The following DENND5A variants were observed in gnomAD, a reference collection of about 807,000 sequenced individuals.
DENND5A encodes the protein DENN domain-containing protein 5A.
Under a neutral mutation model 140.3 loss-of-function variants are expected in DENND5A, and 64 were observed. The ratio of observed to expected loss-of-function variants is 0.46; its 90% CI spans 0.37 to 0.56. The LOEUF (loss-of-function observed/expected upper bound fraction) is 0.56, where lower values mean the gene tolerates loss of function less well. Among genes scored for constraint, DENND5A ranks in the 20% least tolerant of loss-of-function variants. The pLI is 0.00. For synonymous variants in DENND5A, 605 were observed against 607.7 expected (o/e 1.00, Z 0.07); for missense variants, 1,292 against 1,593.8 (o/e 0.81, Z 3.22).
chr11:9,144,919 T>C, intron 18 of DENND5A, 76 bp downstream of exon 18: 1 of 1,063,678 alleles, frequency 9.4e-7, no homozygotes, highest in Non-Finnish European at 1.5e-6. Context: ...CCTTGGGAAC[T>C]CCACATACCC....
chr11:9,247,680 T>C (rs1056581356), intron 1 of DENND5A, among the ~76,000 whole-genome samples: 5 of 151,896 alleles, frequency 3.3e-5, no homozygotes, highest in Non-Finnish European at 7.4e-5. Context: ...ATGTTACAGG[T>C]TGGTTTTGGT....
intron 4 of DENND5A, among the ~76,000 whole-genome samples, chr11:9,200,664 T>C (rs548301066): frequency 6.6e-6 from 1 of 152,312 alleles, no homozygotes; most frequent in Admixed American, 6.5e-5. Flanking sequence ...TTCAACATAG[T>C]TTCCATTACT....
Position 9,139,345 on chromosome 11 carries a change from C to G in DENND5A, c.*326G>C. Reference sequence around the variant, plus strand: ...GACGGGGCAAGGAAACATAACTGTCCCGCACGCAGTGCCACAGGCTCAGTC... The same window carrying G: ...GACGGGGCAAGGAAACATAACTGTCGCGCACGCAGTGCCACAGGCTCAGTC... On this transcript the variant is annotated 3_prime_UTR_variant, in exon 23 of 23. Transcript: ENST00000328194. The G allele has an allele frequency of 3.3e-6, 1 of 303,742 alleles. No homozygotes were observed. The highest frequency in any genetic ancestry group is 5.5e-5 in the South Asian group (1 of 18,308). 18.8% of individuals were successfully genotyped at this position (303,742 alleles called of 1,614,324 possible).
intron 10 of DENND5A, among the ~76,000 whole-genome samples, chr11:9,168,175 T>C (rs575630319): frequency 2.0e-5 from 3 of 151,480 alleles, no homozygotes; most frequent in African/African-American, 4.9e-5. Flanking sequence ...AAATCTCATC[T>C]TGAATTGTAG....
At chr11:9,153,046 A>G (rs1349169786) in intron 12 of DENND5A, among the ~76,000 whole-genome samples, 1 of 149,376 alleles carries the variant, frequency 6.7e-6, no homozygotes, top group Non-Finnish European at 1.5e-5. Context: ...GGCCAGGCAC[A>G]GTGTCTCACA....
chr11:9,196,940 T>C (rs957085476), intron 4 of DENND5A, among the ~76,000 whole-genome samples: 2 of 150,116 alleles, frequency 1.3e-5, no homozygotes. Flanking sequence ...ACCATACAGA[T>C]TTCATAGTGT....
At chr11:9,236,426 G>T (rs1851006582) in intron 1 of DENND5A, among the ~76,000 whole-genome samples, 1 of 151,738 alleles carries the variant, frequency 6.6e-6, no homozygotes. Context: ...CAGCTACTCA[G>T]GAAGCTGAGG....
intron 1 of DENND5A, among the ~76,000 whole-genome samples, chr11:9,210,223 G>A (rs183462006): frequency 6.6e-6 from 1 of 152,206 alleles, no homozygotes. Flanking sequence ...TTAGACCCTT[G>A]GAAATTCAAA....
chr11:9,185,770 C>CTG (rs765681407), intron 5 of DENND5A, among the ~76,000 whole-genome samples: 2 of 151,966 alleles, frequency 1.3e-5, no homozygotes, highest in South Asian at 4.2e-4. Flanking sequence ...TGGTCTGCGT[C>CTG]TGTGTGTGTG....
intron 8 of DENND5A, among the ~76,000 whole-genome samples, chr11:9,174,123 A>AG (rs1564896293): frequency 1.3e-5 from 2 of 149,570 alleles, no homozygotes; most frequent in African/African-American, 4.9e-5. Flanking sequence ...AAAAAAAAAA[A>AG]AAAAAAGAAA....
chr11:9,225,223 T>A (rs1030288135), intron 1 of DENND5A, among the ~76,000 whole-genome samples: 11 of 152,168 alleles, frequency 7.2e-5, no homozygotes, highest in South Asian at 2.1e-4. Context: ...TTACATTTTT[T>A]AAAAAGTGTT....
chr11:9,144,261 C>A lies in DENND5A; in HGVS notation c.3140G>T (p.Trp1047Leu). ...TCCATCATCCATGCCCTTCCCTAAC[C>A]ACCGGCCACACGGGAACCTGAAGAT... ...GHTYKFPCGR[W>L]LGKGMDDGSL... is the part of the protein sequence containing the mutation. The change falls in exon 19 of 23, where the codon TGG becomes TTG. Residue 1047 changes from tryptophan (W) to leucine (L), a missense_variant. By Grantham distance (61) the Trp-to-Leu change is moderately conservative. Coordinates refer to ENST00000328194, the MANE Select transcript of DENND5A (RefSeq NM_015213.4). 4 of 1,614,092 alleles carry A rather than the reference C, an allele frequency of 2.5e-6. No individual in the cohort carries two copies. Among genetic ancestry groups the A allele is most frequent in the Non-Finnish European group, 3.4e-6 (4 of 1,180,004 alleles).
chr11:9,234,071 G>A (rs1341026531), intron 1 of DENND5A, among the ~76,000 whole-genome samples: 2 of 151,780 alleles, frequency 1.3e-5, no homozygotes, highest in Non-Finnish European at 2.9e-5. Flanking sequence ...CCAGCTACTC[G>A]GGAGGCTGAG....
chr11:9,170,027 G>T, intron 9 of DENND5A, 78 bp from the exon 10 acceptor site: 1 of 1,057,370 alleles, frequency 9.5e-7, no homozygotes, highest in East Asian at 2.4e-5. Flanking sequence ...GAGAAAACAT[G>T]AATGACTACG....
intron 1 of DENND5A, among the ~76,000 whole-genome samples, chr11:9,212,055 T>C (rs1049246844): frequency 2.0e-5 from 3 of 151,078 alleles, no homozygotes; most frequent in Admixed American, 1.3e-4. Flanking sequence ...ACAAAAATTA[T>C]CCAATCAGAA....
At chr11:9,160,908 A>T in intron 11 of DENND5A, 43 bp from the exon 12 acceptor site, 2 of 1,597,622 alleles carry the variant, frequency 1.3e-6, no homozygotes, top group Non-Finnish European at 1.7e-6. Context: ...CACAGTGAGC[A>T]GGATTACATA....
At chr11:9,140,208 G>A (rs1847191445) in intron 22 of DENND5A, 1 of 1,334,046 alleles carries the variant, frequency 7.5e-7, no homozygotes, top group Admixed American at 2.2e-5. Flanking sequence ...CACTCAGCAT[G>A]TGCTGGCACT....
At chr11:9,181,869 T>C (rs1238134750) in intron 5 of DENND5A, among the ~76,000 whole-genome samples, 1 of 152,232 alleles carries the variant, frequency 6.6e-6, no homozygotes, top group African/African-American at 2.4e-5. Context: ...ACCCTGGATA[T>C]ACCATTCTCT....
At chr11:9,248,220 T>C (rs536164279) in intron 1 of DENND5A, among the ~76,000 whole-genome samples, 1 of 152,172 alleles carries the variant, frequency 6.6e-6, no homozygotes, top group Non-Finnish European at 1.5e-5. Flanking sequence ...TGGATTCAAG[T>C]GATCCACCTT....
Sources: gnomAD v4.1 joint callset for allele counts (sites outside exome capture counted in the v4.1 genomes callset) on GRCh38, gnomAD v4.1.1 for gene constraint, MANE v1.5 for transcripts, NCBI Gene and HGNC (gene_info 2026-07-23, HGNC 2026-07-21) for gene names.